TRAPPC9: variants seen among roughly 807,000 people sequenced by gnomAD.
TRAPPC9 encodes the protein trafficking protein particle complex subunit 9.
In TRAPPC9, 83 loss-of-function variants were observed where a neutral mutation model predicts 124.0. That is an observed-to-expected ratio of 0.67 (90% CI 0.56 to 0.80). The LOEUF (loss-of-function observed/expected upper bound fraction) is 0.80, where lower values mean the gene tolerates loss of function less well. TRAPPC9 is among the 30% of genes least tolerant of loss of function. TRAPPC9 has a pLI of 0.00. For missense variants in TRAPPC9, 1,302 were observed against 1,508.3 expected (o/e 0.86, Z 2.27); for synonymous variants, 638 against 617.5 (o/e 1.03, Z -0.49).
chr8:140,308,541 C>A (rs1257796095), intron 10 of TRAPPC9, among the ~76,000 whole-genome samples: 2 of 151,992 alleles, frequency 1.3e-5, no homozygotes, highest in Non-Finnish European at 2.9e-5. Context: ...AAAATCATCA[C>A]GAATATGTTT....
intron 10 of TRAPPC9, among the ~76,000 whole-genome samples, chr8:140,308,753 C>T (rs1181759208): frequency 1.3e-5 from 2 of 151,940 alleles, no homozygotes; most frequent in African/African-American, 4.8e-5. Flanking sequence ...TGGTGCCATG[C>T]GCCTGTAGTC....
chr8:139,980,660 C>T (rs1422243224), intron 19 of TRAPPC9, among the ~76,000 whole-genome samples: 1 of 152,226 alleles, frequency 6.6e-6, no homozygotes, highest in Non-Finnish European at 1.5e-5. Context: ...TTATGAAGAG[C>T]ACTCGGCGCA....
At chr8:140,409,796 A>G (rs2069630437) in intron 5 of TRAPPC9, among the ~76,000 whole-genome samples, 2 of 152,192 alleles carry the variant, frequency 1.3e-5, no homozygotes, top group South Asian at 4.1e-4. Flanking sequence ...TAAGAAGAAG[A>G]AAAGGCCAGG....
intron 19 of TRAPPC9, among the ~76,000 whole-genome samples, chr8:139,925,844 C>G (rs1832788003): frequency 6.7e-6 from 1 of 150,234 alleles, no homozygotes; most frequent in South Asian, 2.1e-4. Context: ...CACACACACA[C>G]ACGTTTCAGA....
chr8:140,240,748 C>A (rs1197793637), intron 16 of TRAPPC9, among the ~76,000 whole-genome samples: 1 of 152,178 alleles, frequency 6.6e-6, no homozygotes, highest in African/African-American at 2.4e-5. Context: ...TCTTGTTGCA[C>A]TGACTGGCCT....
At chr8:140,273,181 T>C (rs2065012610) in intron 15 of TRAPPC9, among the ~76,000 whole-genome samples, 1 of 152,194 alleles carries the variant, frequency 6.6e-6, no homozygotes, top group South Asian at 2.1e-4. Flanking sequence ...TTGCCGCTCC[T>C]GGGTACTTCC....
intron 7 of TRAPPC9, among the ~76,000 whole-genome samples, chr8:140,389,745 T>C (rs1475861465): frequency 6.6e-6 from 1 of 151,772 alleles, no homozygotes; most frequent in Non-Finnish European, 1.5e-5. Flanking sequence ...TAAGTGTCTG[T>C]AATATGCTCC....
intron 18 of TRAPPC9, among the ~76,000 whole-genome samples, chr8:139,993,209 C>T (rs1056019884): frequency 3.9e-5 from 6 of 151,976 alleles, no homozygotes; most frequent in African/African-American, 1.4e-4. Context: ...ATAGAGAACT[C>T]CTATAAATCA....
At chr8:139,865,452 G>T (rs548142330) in intron 21 of TRAPPC9, among the ~76,000 whole-genome samples, 1 of 152,340 alleles carries the variant, frequency 6.6e-6, no homozygotes, top group South Asian at 2.1e-4. Context: ...TAGAGGGGGT[G>T]AAACAGACAC....
chr8:140,409,842 A>G (rs1588301363), intron 5 of TRAPPC9, among the ~76,000 whole-genome samples: 3 of 152,208 alleles, frequency 2.0e-5, no homozygotes, highest in African/African-American at 7.2e-5. Context: ...TGAGGTGGAA[A>G]GAATAGGAGA....
intron 20 of TRAPPC9, among the ~76,000 whole-genome samples, chr8:139,888,127 T>A (rs1830125541): frequency 6.6e-6 from 1 of 152,162 alleles, no homozygotes; most frequent in Non-Finnish European, 1.5e-5. Context: ...GTCTAACTCA[T>A]CCCGTCCTCC....
chr8:140,182,808 A>G lies in TRAPPC9; in HGVS notation c.2556+38651T>C, dbSNP rs2062235543. Among the ~76,000 whole-genome samples the G allele has an allele frequency of 6.6e-6, 1 of 152,066 alleles. No individual in the cohort carries two copies. The highest frequency in any genetic ancestry group is 1.5e-5 in the Non-Finnish European group (1 of 68,002). ...CACACACCACAACTTGCATCATGCC[A>G]TTCCCCCTTCTCTGCCCGTCTATGC... On this transcript the variant is annotated intron_variant, in intron 17 of 22. Coordinates refer to ENST00000438773, the MANE Select transcript of TRAPPC9 (RefSeq NM_001160372.4). This position sits in a 1 kb window ranked among gnomAD's most constrained non-coding sequence, Gnocchi z 4.0.
chr8:140,153,670 A>T (rs1425077299), intron 17 of TRAPPC9, among the ~76,000 whole-genome samples: 1 of 152,238 alleles, frequency 6.6e-6, no homozygotes, highest in African/African-American at 2.4e-5. Flanking sequence ...TGAATAAATG[A>T]ATGACTCATC....
At position 139,977,132 on chromosome 8, in the gene TRAPPC9, C is replaced by T. The variant is rs149568947; in HGVS notation, c.2810+11594G>A. ...AGTAAAGCACTTTCATATTTTGTTTCGAGCCATGCAGGAGAAGAGTAAGGG... is the reference window on the plus strand; with the variant it reads ...AGTAAAGCACTTTCATATTTTGTTTTGAGCCATGCAGGAGAAGAGTAAGGG... On this transcript the variant is annotated intron_variant, in intron 19 of 22. Coordinates refer to ENST00000438773, the MANE Select transcript of TRAPPC9 (RefSeq NM_001160372.4). Among the ~76,000 whole-genome samples the T allele has an allele frequency of 1.4e-4, 21 of 152,178 alleles. No individual in the cohort carries two copies. In the East Asian group the frequency reaches 3.3e-3, roughly 24 times the overall value.
intron 19 of TRAPPC9, among the ~76,000 whole-genome samples, chr8:139,918,308 G>C (rs914523307): frequency 1.3e-5 from 2 of 152,238 alleles, no homozygotes; most frequent in African/African-American, 4.8e-5. Context: ...TGTGCTCTGA[G>C]CACTCTGCTT....
At chr8:140,161,792 G>T (rs775668984) in intron 17 of TRAPPC9, among the ~76,000 whole-genome samples, 11 of 152,238 alleles carry the variant, frequency 7.2e-5, no homozygotes, top group Non-Finnish European at 1.6e-4. Context: ...TTTGGGCAAT[G>T]AGAGGGGAGA....
chr8:140,285,529 C>T (rs1431219220), intron 13 of TRAPPC9, among the ~76,000 whole-genome samples: 1 of 152,172 alleles, frequency 6.6e-6, no homozygotes, highest in Admixed American at 6.5e-5. Flanking sequence ...AGCCAGCATC[C>T]TTTGGCACCG....
chr8:139,864,856 G>A (rs182477354), intron 21 of TRAPPC9, among the ~76,000 whole-genome samples: 79 of 152,312 alleles, frequency 5.2e-4, no homozygotes, highest in African/African-American at 1.7e-3. Context: ...CACCTGCACC[G>A]ATGTGGACAC....
rs543476949 is a variant in TRAPPC9 at position 140,352,179 on chromosome 8, C to T, written c.1495+7871G>A. Among the ~76,000 whole-genome samples the T allele has an allele frequency of 1.5e-4, 23 of 152,336 alleles. No homozygotes were observed. The South Asian group carries it at 2.9e-3, about 19-fold the overall frequency. On this transcript the variant is annotated intron_variant, in intron 9 of 22. Coordinates refer to ENST00000438773, the MANE Select transcript of TRAPPC9 (RefSeq NM_001160372.4). ...GCATTACATTTTAAAGGATCATCCA[C>T]ACCACAGCAGGGATGAGTAGTTCAC...
Sources: gnomAD v4.1 joint callset for allele counts (sites outside exome capture counted in the v4.1 genomes callset) on GRCh38, gnomAD v4.1.1 for gene constraint, Gnocchi (gnomAD v3.1) non-coding constraint, MANE v1.5 for transcripts, NCBI Gene and HGNC (gene_info 2026-07-23, HGNC 2026-07-21) for gene names.